Variants in GADL1 observed in about 807,000 individuals in gnomAD.
GADL1 encodes the protein acidic amino acid decarboxylase GADL1.
A neutral mutation model predicts 69.5 loss-of-function variants in GADL1; 71 were observed. The ratio of observed to expected loss-of-function variants is 1.02; its 90% confidence interval spans 0.84 to 1.25. The LOEUF (loss-of-function observed/expected upper bound fraction) is 1.25. Among genes scored for constraint, GADL1 ranks in the 50% most tolerant of loss-of-function variants. The pLI is 0.00. For synonymous variants in GADL1, 254 were observed against 214.4 expected (o/e 1.18, Z -1.62); for missense variants, 737 against 631.8 (o/e 1.17, Z -1.79).
chr3:30,795,311 GA>G (rs555013966), intron 12 of GADL1, among the ~76,000 whole-genome samples: 120 of 152,274 alleles, frequency 7.9e-4, no homozygotes, highest in African/African-American at 2.7e-3. Context: ...CACATGGTTA[GA>G]AGACTGAAAG....
chr3:30,743,178 G>A (rs1695651782), intron 14 of GADL1, among the ~76,000 whole-genome samples: 1 of 151,920 alleles, frequency 6.6e-6, no homozygotes, highest in Non-Finnish European at 1.5e-5. Flanking sequence ...TTAATATCTT[G>A]TTCTACTTCA....
chr3:30,886,082 C>A (rs1278450828), intron 1 of GADL1, among the ~76,000 whole-genome samples: 2 of 152,000 alleles, frequency 1.3e-5, no homozygotes, highest in Admixed American at 1.3e-4. Context: ...TAAAAGTTTG[C>A]AAAACTGCCC....
At chr3:30,874,784 A>T (rs1021554521) in intron 1 of GADL1, among the ~76,000 whole-genome samples, 1 of 152,000 alleles carries the variant, frequency 6.6e-6, no homozygotes, top group Non-Finnish European at 1.5e-5. Flanking sequence ...CTCTTTGAAA[A>T]TACAAACAAC....
At chr3:30,836,940 T>TTA (rs58686336) in intron 9 of GADL1, among the ~76,000 whole-genome samples, 13,010 of 152,132 alleles carry the variant, frequency 0.086, 697 homozygotes, top group South Asian at 0.15. Flanking sequence ...AAAAAACGCA[T>TTA]TATATTACCA....
In GADL1 at chr3:30,809,618, A is replaced by G. The variant is rs75855037; in HGVS notation, c.1051-8530T>C. Among the ~76,000 whole-genome samples the G allele has an allele frequency of 4.6e-3, 694 of 152,202 alleles. 8 individuals carry two copies. The highest frequency in any genetic ancestry group is 4.2e-3 in the Non-Finnish European group (283 of 68,002). On this transcript the variant is annotated intron_variant, in intron 11 of 14. Transcript: ENST00000282538. ...AGATCAATCTCCACTCAAATCCTCAATTTGTTCTCCAATTCTCACTTCCTT... is the reference window on the plus strand; with the variant it reads ...AGATCAATCTCCACTCAAATCCTCAGTTTGTTCTCCAATTCTCACTTCCTT...
chr3:30,809,113 T>C (rs1261563291), intron 11 of GADL1, among the ~76,000 whole-genome samples: 2 of 152,236 alleles, frequency 1.3e-5, no homozygotes, highest in African/African-American at 4.8e-5. Context: ...TATTTCTGCA[T>C]TTTGCTGTAT....
At chr3:30,838,257 TAAA>T in intron 9 of GADL1, among the ~76,000 whole-genome samples, 1 of 152,102 alleles carries the variant, frequency 6.6e-6, no homozygotes, top group Non-Finnish European at 1.5e-5. Context: ...AAATTAATTT[TAAA>T]AAAGAAAATT....
At chr3:30,823,688 A>G (rs1697631234) in intron 11 of GADL1, among the ~76,000 whole-genome samples, 3 of 151,968 alleles carry the variant, frequency 2.0e-5, no homozygotes, top group Non-Finnish European at 4.4e-5. Flanking sequence ...TAGTAATAAC[A>G]CCAAAGGGAA....
At position 30,813,058 on chromosome 3, in the gene GADL1, CAG is replaced by C. The variant is rs1278502883; in HGVS notation, c.1051-11972_1051-11971del. On this transcript the variant is annotated intron_variant, in intron 11 of 14. Transcript: ENST00000282538. ...ATGAGAAGGCACATGAGAAGGGAAACAGAAGAGATTACAGAATTTGACAAATT... is the reference window on the plus strand; with the variant it reads ...ATGAGAAGGCACATGAGAAGGGAAACAAGAGATTACAGAATTTGACAAATT... Among the ~76,000 whole-genome samples, 3 of 152,056 alleles carry C rather than the reference CAG, an allele frequency of 2.0e-5. No individual in the cohort carries two copies. In the South Asian group the frequency reaches 6.2e-4, roughly 32 times the overall value.
intron 14 of GADL1, among the ~76,000 whole-genome samples, chr3:30,754,669 T>C (rs1201344412): frequency 1.3e-5 from 2 of 152,124 alleles, no homozygotes; most frequent in Non-Finnish European, 2.9e-5. Context: ...ACTGCAGACA[T>C]AAAATCTCAA....
intron 14 of GADL1, among the ~76,000 whole-genome samples, chr3:30,766,503 T>C (rs572001753): frequency 5.0e-3 from 759 of 152,338 alleles, no homozygotes; most frequent in African/African-American, 0.018. Flanking sequence ...TGAAGTGGTT[T>C]ACATGTACTA....
chr3:30,738,426 A>G (rs1458338070), intron 14 of GADL1, among the ~76,000 whole-genome samples: 1 of 151,996 alleles, frequency 6.6e-6, no homozygotes. Context: ...GTTGAGAAAC[A>G]CTTCTCAGGA....
chr3:30,762,722 C>T (rs1176112987), intron 14 of GADL1, among the ~76,000 whole-genome samples: 2 of 152,206 alleles, frequency 1.3e-5, no homozygotes, highest in East Asian at 3.9e-4. Context: ...TATTTTGGAT[C>T]CATTAACCAT....
chr3:30,736,528 C>T (rs59743899), intron 14 of GADL1, among the ~76,000 whole-genome samples: 14,010 of 152,160 alleles, frequency 0.092, 1,769 homozygotes, highest in African/African-American at 0.29. Context: ...TACACTCCCG[C>T]TTGGACTTTT....
Position 30,843,258 on chromosome 3 carries a change from CT to C in GADL1, c.786+951del, listed in dbSNP as rs71094001. Among the ~76,000 whole-genome samples, 504 of 139,108 alleles carry C rather than the reference CT, an allele frequency of 3.6e-3. 6 individuals carry two copies. Among genetic ancestry groups the C allele is most frequent in the East Asian group, 0.035 (167 of 4,706 alleles). 91.3% of individuals were successfully genotyped at this position (139,108 alleles called of 152,430 possible). A position where few individuals can be genotyped will look rare whatever the true frequency, so the allele number is the denominator to read the frequency against. ...GGCTGAGACCAAAATAATGATACAC[CT>C]TTTTTTTTTTTTTTGAGATGGAGTC... On this transcript the variant is annotated intron_variant, in intron 8 of 14. Coordinates refer to ENST00000282538, the MANE Select transcript of GADL1 (RefSeq NM_207359.3).
chr3:30,885,511 G>C (rs1276465159), intron 1 of GADL1, among the ~76,000 whole-genome samples: 1 of 151,934 alleles, frequency 6.6e-6, no homozygotes, highest in Non-Finnish European at 1.5e-5. Context: ...CTTTTTGACA[G>C]AAACAATACA....
At chr3:30,752,176 G>A (rs1278370892) in intron 14 of GADL1, among the ~76,000 whole-genome samples, 1 of 142,890 alleles carries the variant, frequency 7.0e-6, no homozygotes, top group Non-Finnish European at 1.5e-5. Flanking sequence ...CTCTGATGTA[G>A]TGCTGTTAAG....
intron 11 of GADL1, among the ~76,000 whole-genome samples, chr3:30,823,167 G>A (rs894090792): frequency 6.6e-6 from 1 of 151,884 alleles, no homozygotes; most frequent in African/African-American, 2.4e-5. Context: ...TGAGGGAAAG[G>A]GAACTCAGGG....
intron 12 of GADL1, among the ~76,000 whole-genome samples, chr3:30,796,376 C>CA (rs911495733): frequency 6.6e-6 from 1 of 152,094 alleles, no homozygotes; most frequent in African/African-American, 2.4e-5. Context: ...CTATCTCTAA[C>CA]AAAGGTACCT....
Sources: gnomAD v4.1 joint callset for allele counts (sites outside exome capture counted in the v4.1 genomes callset) on GRCh38, gnomAD v4.1.1 for gene constraint, MANE v1.5 for transcripts, NCBI Gene and HGNC (gene_info 2026-07-23, HGNC 2026-07-21) for gene names.